The following CFAP20DC variants were observed in gnomAD, a reference collection of about 807,000 sequenced individuals.
CFAP20DC encodes CFAP20 domain containing.
A neutral mutation model predicts 101.7 loss-of-function variants in CFAP20DC; 84 were observed. The observed-to-expected ratio is 0.83, with a 90% CI of 0.69 to 0.99. The LOEUF (loss-of-function observed/expected upper bound fraction) is 0.99, where lower values mean the gene tolerates loss of function less well. CFAP20DC is among the 50% of genes least tolerant of loss of function. The pLI, the probability that CFAP20DC is intolerant of heterozygous loss-of-function variation, is 0.00. For synonymous variants in CFAP20DC, 359 were observed against 351.2 expected (o/e 1.02, Z -0.25); for missense variants, 1,007 against 970.3 (o/e 1.04, Z -0.50).
At chr3:58,844,495 C>T (rs1388674700) in intron 13 of CFAP20DC, among the ~76,000 whole-genome samples, 1 of 141,890 alleles carries the variant, frequency 7.0e-6, no homozygotes, top group East Asian at 2.2e-4. Flanking sequence ...AATACAGGAG[C>T]ACCCAGATTC....
At chr3:58,781,789 T>C (rs2071854120) in intron 15 of CFAP20DC, among the ~76,000 whole-genome samples, 2 of 152,086 alleles carry the variant, frequency 1.3e-5, no homozygotes, top group East Asian at 1.9e-4. Flanking sequence ...GAATCAGTAA[T>C]AAAAAGTCTA....
rs1203019309 is a variant in CFAP20DC at position 58,912,761 on chromosome 3, A to G, written c.550+947T>C. The G allele has an allele frequency of 2.2e-6, 1 of 456,248 alleles. No homozygotes were observed. Among genetic ancestry groups the G allele is most frequent in the Non-Finnish European group, 4.4e-6 (1 of 226,790 alleles). The allele number at this position is 456,248 out of a possible 1,614,324, so 28.3% of individuals were successfully genotyped here. On this transcript the variant is annotated intron_variant, in intron 6 of 16. Coordinates refer to ENST00000482387, the MANE Select transcript of CFAP20DC (RefSeq NM_001394063.1). The surrounding 1 kb of genome is among the most constrained non-coding windows in gnomAD (Gnocchi z 4.4). The stretch of plus-strand genomic sequence containing the variant: ...GAGTTACCTGCAGAGTATATTTATA[A>G]ATCAAATTATGAACAATTAATGTAA...
chr3:58,810,422 C>G lies in CFAP20DC; in HGVS notation c.2176-3966G>C, dbSNP rs542022503. On this transcript the variant is annotated intron_variant, in intron 14 of 16. Transcript: ENST00000482387. ...ATATACGCAAATCAATAAATGTAAT[C>G]CAGCATATAAACAGAACTGAAGACA... Among the ~76,000 whole-genome samples the G allele has an allele frequency of 2.0e-5, 3 of 152,222 alleles. No homozygotes were observed. The South Asian group carries it at 6.2e-4, about 32-fold the overall frequency.
At chr3:58,777,272 T>G (rs1396515994) in intron 15 of CFAP20DC, among the ~76,000 whole-genome samples, 1 of 152,192 alleles carries the variant, frequency 6.6e-6, no homozygotes, top group Non-Finnish European at 1.5e-5. Flanking sequence ...TTGTCTTCCC[T>G]TTTTGGACGC....
At position 58,717,910 on chromosome 3, in the gene CFAP20DC, G is replaced by A. The variant is rs1003448739; in HGVS notation, c.198-282C>T. Among the ~76,000 whole-genome samples the A allele has an allele frequency of 3.3e-5, 5 of 152,192 alleles. No homozygotes were observed. The highest frequency in any genetic ancestry group is 1.2e-4 in the African/African-American group (5 of 41,440). ...GAGAAAATTGGGTAAACTAACCAATGATGCCAGTCATGACTGATGTAGGGC... is the reference window on the plus strand; with the variant it reads ...GAGAAAATTGGGTAAACTAACCAATAATGCCAGTCATGACTGATGTAGGGC... On this transcript the variant is annotated intron_variant, in intron 3 of 3. Transcript: ENST00000486145. This position sits in a 1 kb window ranked among gnomAD's most constrained non-coding sequence, Gnocchi z 4.1.
intron 15 of CFAP20DC, among the ~76,000 whole-genome samples, chr3:58,754,326 A>G (rs1034767247): frequency 1.3e-5 from 2 of 152,154 alleles, no homozygotes; most frequent in Non-Finnish European, 2.9e-5. Context: ...GGTGGGAGTC[A>G]GTCTCTCTTA....
chr3:58,769,345 A>T (rs540575831), intron 15 of CFAP20DC, among the ~76,000 whole-genome samples: 3 of 152,176 alleles, frequency 2.0e-5, no homozygotes, highest in Non-Finnish European at 2.9e-5. Context: ...GGCTGAGAGA[A>T]GATGTCCGGA....
intron 5 of CFAP20DC, among the ~76,000 whole-genome samples, chr3:58,917,902 T>C (rs2084910649): frequency 6.6e-6 from 1 of 152,170 alleles, no homozygotes; most frequent in East Asian, 1.9e-4. Context: ...ACCTTGCTCT[T>C]GGCTGAACCA....
chr3:58,863,395 G>A lies in CFAP20DC; in HGVS notation c.1593+163C>T. On this transcript the variant is annotated intron_variant, in intron 12 of 16. Transcript: ENST00000482387. This position sits in a 1 kb window ranked among gnomAD's most constrained non-coding sequence, Gnocchi z 5.9. ...TAAAAAAAAAAAAAGACAGTTTAAA[G>A]TTACCATAACAACCTGATGCAACTG... is the stretch of plus-strand genomic sequence containing the variant. The A allele has an allele frequency of 7.1e-7, 1 of 1,401,890 alleles. No homozygotes were observed. Among genetic ancestry groups the A allele is most frequent in the Non-Finnish European group, 9.2e-7 (1 of 1,082,750 alleles). 86.8% of individuals were successfully genotyped at this position (1,401,890 alleles called of 1,614,324 possible). A position where few individuals can be genotyped will look rare whatever the true frequency, so the allele number is the denominator to read the frequency against.
chr3:58,717,187 C>T (rs73088300), downstream of CFAP20DC, among the ~76,000 whole-genome samples: 8,029 of 151,738 alleles, frequency 0.053, 299 homozygotes, highest in Non-Finnish European at 0.077. This position sits in a 1 kb window ranked among gnomAD's most constrained non-coding sequence, Gnocchi z 4.1. Flanking sequence ...GATCAAGATG[C>T]CTGCAAACTA....
chr3:58,930,277 G>C (rs1281359271), intron 5 of CFAP20DC, among the ~76,000 whole-genome samples: 1 of 152,222 alleles, frequency 6.6e-6, no homozygotes, highest in South Asian at 2.1e-4. Context: ...TAATCTGGAT[G>C]ACTGCAAAAA....
chr3:58,995,012 C>T (rs2093068105), intron 4 of CFAP20DC, among the ~76,000 whole-genome samples: 1 of 152,092 alleles, frequency 6.6e-6, no homozygotes, highest in Non-Finnish European at 1.5e-5. Context: ...CCTAGGATAT[C>T]CATTTTCTTT....
At chr3:58,821,212 A>G (rs1010287974) in intron 14 of CFAP20DC, among the ~76,000 whole-genome samples, 119 of 152,308 alleles carry the variant, frequency 7.8e-4, no homozygotes, top group Non-Finnish European at 1.0e-3. Context: ...CCTAGGCATT[A>G]CCATTCAGGA....
chr3:58,863,679 T>C lies in CFAP20DC; in HGVS notation c.1472A>G (p.Lys491Arg), dbSNP rs1434867789. ...SSRPRSAPHGKTQTMSPEELS... is the reference protein window; with the variant it reads ...SSRPRSAPHGRTQTMSPEELS... ...CTCCTCTGGGGACATAGTCTGAGTC[T>C]TTCCATGAGGTGCTGATCGTGGTCT... The change falls in exon 12 of 17, where the codon AAG becomes AGG. Residue 491 changes from lysine to arginine, a missense_variant. Transcript: ENST00000482387. This position sits in a 1 kb window ranked among gnomAD's most constrained non-coding sequence, Gnocchi z 5.9. The C allele has an allele frequency of 1.2e-6, 2 of 1,614,182 alleles. No individual in the cohort carries two copies. Among genetic ancestry groups the C allele is most frequent in the Non-Finnish European group, 1.7e-6 (2 of 1,180,044 alleles).
At chr3:58,941,693 C>T (rs1296887601) in intron 4 of CFAP20DC, among the ~76,000 whole-genome samples, 10 of 152,040 alleles carry the variant, frequency 6.6e-5, no homozygotes, top group Non-Finnish European at 1.5e-4. Context: ...CTCAGCCTCC[C>T]GAGTAGCTGG....
At chr3:59,037,772 C>G (rs1251163903) in intron 4 of CFAP20DC, among the ~76,000 whole-genome samples, 1 of 152,142 alleles carries the variant, frequency 6.6e-6, no homozygotes, top group Non-Finnish European at 1.5e-5. Flanking sequence ...AATCCCATTA[C>G]CTGGTATATA....
chr3:58,834,632 A>C (rs767045499), intron 13 of CFAP20DC, among the ~76,000 whole-genome samples: 2 of 152,118 alleles, frequency 1.3e-5, no homozygotes, highest in Non-Finnish European at 2.9e-5. Context: ...TTAAATGACT[A>C]GGAAAATTAC....
chr3:58,870,026 A>G (rs2080012069), intron 8 of CFAP20DC, 147 bp downstream of exon 8: 1 of 693,346 alleles, frequency 1.4e-6, no homozygotes, highest in African/African-American at 1.8e-5. Context: ...TTCCAAATTT[A>G]TTCAAGCCTT....
chr3:58,964,716 T>G lies in CFAP20DC; in HGVS notation c.279-26954A>C, dbSNP rs1175653546. ...ACATCAAATTGCACACACATTTTTG[T>G]ATTATGCATTCATGACAAAATATTT... is the stretch of plus-strand genomic sequence containing the variant. On this transcript the variant is annotated intron_variant, in intron 4 of 16. Coordinates refer to ENST00000482387, the MANE Select transcript of CFAP20DC (RefSeq NM_001394063.1). The surrounding 1 kb of genome is among the most constrained non-coding windows in gnomAD (Gnocchi z 4.1). 6.6e-6 allele frequency among the ~76,000 whole-genome samples: 1 copy of G among 152,246 alleles called. No homozygotes were observed. Among genetic ancestry groups the G allele is most frequent in the African/African-American group, 2.4e-5 (1 of 41,476 alleles).
Sources: allele counts gnomAD v4.1 joint callset (sites outside exome capture counted in the v4.1 genomes callset), GRCh38; gene constraint gnomAD v4.1.1; non-coding constraint Gnocchi (gnomAD v3.1); transcripts MANE v1.5; gene names NCBI Gene and HGNC (gene_info 2026-07-23, HGNC 2026-07-21).